The following RUSC2 variants were observed in gnomAD, a reference collection of about 807,000 sequenced individuals.
The protein encoded by RUSC2 is RUN and SH3 domain containing 2.
In RUSC2, 34 loss-of-function variants were observed where a neutral mutation model predicts 122.2. That is an observed-to-expected ratio of 0.28 (90% CI 0.21 to 0.37). RUSC2 has a LOEUF of 0.37. RUSC2 is among the 10% of genes least tolerant of loss of function. The pLI is 1.00. For missense variants in RUSC2, 1,747 were observed against 1,952.4 expected (o/e 0.89, Z 1.98); for synonymous variants, 784 against 790.0 (o/e 0.99, Z 0.13).
chr9:35,518,280 G>A lies in RUSC2; in HGVS notation c.-93+28108G>A, dbSNP rs370019359. Among the ~76,000 whole-genome samples, 23 of 152,296 alleles carry A rather than the reference G, an allele frequency of 1.5e-4. 1 individual carries two copies. The South Asian group carries it at 4.6e-3, about 30-fold the overall frequency. On this transcript the variant is annotated intron_variant, in intron 1 of 11. Coordinates refer to ENST00000361226, the MANE Select transcript of RUSC2 (RefSeq NM_014806.5). The stretch of plus-strand genomic sequence containing the variant: ...CACTGATGATGACCTAGGATTGCAG[G>A]AAGATGACAGAGTCACTGTTCCTGT...
In RUSC2 at chr9:35,560,220, G is replaced by A. The variant is rs1011482470; in HGVS notation, c.3580G>A (p.Val1194Met). 3.7e-6 allele frequency: 6 copies of A among 1,604,358 alleles called. No individual in the cohort carries two copies. The African/African-American group carries it at 8.0e-5, about 21-fold the overall frequency. Residue 1194 changes from valine to methionine, a missense_variant, in exon 10 of 12, where the codon GTG becomes ATG. By Grantham distance (21) the Val-to-Met change is conservative (BLOSUM62 1). Coordinates refer to ENST00000361226, the MANE Select transcript of RUSC2 (RefSeq NM_014806.5). ...GCGGCAGCACAAGGAACTGCTGCGGGTGTCCCAGGACCTGCTGCTGTCTGC... is the reference window on the plus strand; with the variant it reads ...GCGGCAGCACAAGGAACTGCTGCGGATGTCCCAGGACCTGCTGCTGTCTGC... ...QQRQHKELLRVSQDLLLSAHS... is the reference protein window; with the variant it reads ...QQRQHKELLRMSQDLLLSAHS...
chr9:35,527,137 T>TG (rs897712714), intron 1 of RUSC2, among the ~76,000 whole-genome samples: 9 of 57,476 alleles, frequency 1.6e-4, no homozygotes, highest in Non-Finnish European at 5.0e-4. Context: ...GTCCTTTCGT[T>TG]GTTTTTTTTT....
intron 1 of RUSC2, among the ~76,000 whole-genome samples, chr9:35,506,586 G>A (rs1820920682): frequency 2.0e-5 from 3 of 152,164 alleles, no homozygotes; most frequent in Admixed American, 2.0e-4. Flanking sequence ...CATTTCTTAG[G>A]TTGCTTTGCT....
chr9:35,521,670 C>T (rs1821218061), intron 1 of RUSC2, among the ~76,000 whole-genome samples: 1 of 152,190 alleles, frequency 6.6e-6, no homozygotes, highest in Non-Finnish European at 1.5e-5. Context: ...TGTGAGAAGC[C>T]AAAAGCAAAC....
Position 35,557,792 on chromosome 9 carries a change from T to A in RUSC2, c.2984-122T>A. Reference sequence around the variant, plus strand: ...CCTGAATGTTTTGATAAGACCCATGTGCAGATGTGGAGACGGAGTAAGTGT... The same window carrying A: ...CCTGAATGTTTTGATAAGACCCATGAGCAGATGTGGAGACGGAGTAAGTGT... On this transcript the variant is annotated intron_variant, in intron 5 of 11. Coordinates refer to ENST00000361226, the MANE Select transcript of RUSC2 (RefSeq NM_014806.5). This position sits in a 1 kb window ranked among gnomAD's most constrained non-coding sequence, Gnocchi z 4.6. 1 of 781,178 alleles carries A rather than the reference T, an allele frequency of 1.3e-6. No individual in the cohort carries two copies. The highest frequency in any genetic ancestry group is 2.3e-6 in the Non-Finnish European group (1 of 436,324). The allele number at this position is 781,178 out of a possible 1,614,324, so 48.4% of individuals were successfully genotyped here.
In RUSC2 at chr9:35,490,116, A is replaced by ACGCCGCCGCCGC. The variant is rs139160591; in HGVS notation, c.-137_-126dup. 5.8e-5 allele frequency: 9 copies of ACGCCGCCGCCGC among 154,128 alleles called. No individual in the cohort carries two copies. Among genetic ancestry groups the ACGCCGCCGCCGC allele is most frequent in the African/African-American group, 2.3e-4 (9 of 39,800 alleles). 9.5% of individuals were successfully genotyped at this position (154,128 alleles called of 1,614,324 possible). ...CAACGCGACCCCTGGAGGGCGAGAC[A>ACGCCGCCGCCGC]CGCCGCCGCCGCCGCCGCCGCCGGC... On this transcript the variant is annotated 5_prime_UTR_variant, in exon 1 of 12. Transcript: ENST00000361226.
At chr9:35,528,361 G>T (rs531320582) in intron 1 of RUSC2, among the ~76,000 whole-genome samples, 1 of 151,888 alleles carries the variant, frequency 6.6e-6, no homozygotes, top group Non-Finnish European at 1.5e-5. Context: ...TCCAGCCTGG[G>T]TGACAGAGTG....
At chr9:35,505,390 A>G (rs776808303) in intron 1 of RUSC2, among the ~76,000 whole-genome samples, 25 of 152,088 alleles carry the variant, frequency 1.6e-4, no homozygotes, top group Non-Finnish European at 3.5e-4. Context: ...ACCCCACCAC[A>G]TATTTCTACT....
At chr9:35,490,411 C>T (rs1001778766) in intron 1 of RUSC2, among the ~76,000 whole-genome samples, 1 of 152,126 alleles carries the variant, frequency 6.6e-6, no homozygotes, top group African/African-American at 2.4e-5. Flanking sequence ...CTGCGTCCAC[C>T]GGACCTTCAA....
rs1587875259 is a variant in RUSC2, at chr9:35,561,589, G to C, written c.*207G>C. Reference sequence around the variant, plus strand: ...CTTGTCCAGACCTCCACCCAGGAGAGGGATGGGACACAGCACTGGGCTGCC... The same window carrying C: ...CTTGTCCAGACCTCCACCCAGGAGACGGATGGGACACAGCACTGGGCTGCC... On this transcript the variant is annotated 3_prime_UTR_variant, in exon 12 of 12. Transcript: ENST00000361226. 2 of 595,692 alleles carry C rather than the reference G, an allele frequency of 3.4e-6. No homozygotes were observed. The highest frequency in any genetic ancestry group is 5.6e-5 in the East Asian group (2 of 35,808). The allele number at this position is 595,692 out of a possible 1,614,324, so 36.9% of individuals were successfully genotyped here. A position where few individuals can be genotyped will look rare whatever the true frequency, so the allele number is the denominator to read the frequency against.
chr9:35,504,188 G>A (rs1587837431), intron 1 of RUSC2, among the ~76,000 whole-genome samples: 1 of 152,178 alleles, frequency 6.6e-6, no homozygotes, highest in East Asian at 1.9e-4. Context: ...GATTTGAATA[G>A]TTTTAAGACT....
intron 1 of RUSC2, among the ~76,000 whole-genome samples, chr9:35,505,208 A>G (rs1338158684): frequency 6.6e-6 from 1 of 152,220 alleles, no homozygotes; most frequent in African/African-American, 2.4e-5. Flanking sequence ...ACAGAATTTC[A>G]TAATATCTAT....
chr9:35,544,398 C>G (rs1821704423), intron 1 of RUSC2, among the ~76,000 whole-genome samples: 1 of 149,190 alleles, frequency 6.7e-6, no homozygotes, highest in Non-Finnish European at 1.5e-5. Context: ...ACCTCTGACT[C>G]TCTAGTTCAA....
intron 1 of RUSC2, among the ~76,000 whole-genome samples, chr9:35,500,279 G>C (rs934971552): frequency 1.3e-5 from 2 of 152,124 alleles, no homozygotes; most frequent in East Asian, 3.9e-4. Context: ...GGCAAAGAGA[G>C]AGAGAGAGCT....
At chr9:35,501,114 A>G (rs1820811103) in intron 1 of RUSC2, among the ~76,000 whole-genome samples, 2 of 152,242 alleles carry the variant, frequency 1.3e-5, no homozygotes, top group African/African-American at 4.8e-5. Flanking sequence ...TTGTTCAAAT[A>G]TATTCTACAG....
In RUSC2 at chr9:35,555,494, T is replaced by C. The variant is rs758264600; in HGVS notation, c.2449T>C (p.Trp817Arg). ...CACAGCCACAGAAAGCCTGCCCCCATGGAGCCACTCCTGTCCTTCTGCTGT... is the reference window on the plus strand; with the variant it reads ...CACAGCCACAGAAAGCCTGCCCCCACGGAGCCACTCCTGTCCTTCTGCTGT... ...QPTATESLPP[W>R]SHSCPSAVRP... Residue 817 changes from tryptophan to arginine, a missense_variant, in exon 3 of 12, where the codon TGG (tryptophan) becomes CGG (arginine). By Grantham distance (101) the Trp-to-Arg change is moderately radical. Coordinates refer to ENST00000361226, the MANE Select transcript of RUSC2 (RefSeq NM_014806.5). This position sits in a 1 kb window ranked among gnomAD's most constrained non-coding sequence, Gnocchi z 4.6. 4 of 1,614,104 alleles carry C rather than the reference T, an allele frequency of 2.5e-6. No homozygotes were observed. The highest frequency in any genetic ancestry group is 2.2e-5 in the South Asian group (2 of 91,090).
chr9:35,538,335 C>T (rs959060114), intron 1 of RUSC2, among the ~76,000 whole-genome samples: 2 of 152,130 alleles, frequency 1.3e-5, no homozygotes, highest in Non-Finnish European at 2.9e-5. Flanking sequence ...TCTACCGCCC[C>T]GTCTCTCTAG....
chr9:35,501,273 T>A (rs986798896), intron 1 of RUSC2, among the ~76,000 whole-genome samples: 2 of 152,136 alleles, frequency 1.3e-5, no homozygotes, highest in African/African-American at 4.8e-5. Context: ...CTGTAAAGAA[T>A]AGTTCAGAAG....
At chr9:35,509,401 A>G (rs1255162136) in intron 1 of RUSC2, among the ~76,000 whole-genome samples, 3 of 152,190 alleles carry the variant, frequency 2.0e-5, no homozygotes, top group East Asian at 1.9e-4. Flanking sequence ...ACTTGCTTCT[A>G]CTGTGTTCTG....
Sources: allele counts gnomAD v4.1 joint callset (sites outside exome capture counted in the v4.1 genomes callset), GRCh38; gene constraint gnomAD v4.1.1; non-coding constraint Gnocchi (gnomAD v3.1); transcripts MANE v1.5; gene names NCBI Gene and HGNC (gene_info 2026-07-23, HGNC 2026-07-21).